Variants in NACC2 observed in about 807,000 individuals in gnomAD.
NACC2 encodes the protein NACC family member 2.
A neutral mutation model predicts 25.1 loss-of-function variants in NACC2; 8 were observed. That is an observed-to-expected ratio of 0.32 (90% CI 0.19 to 0.57). The LOEUF (loss-of-function observed/expected upper bound fraction) is 0.57. Ranked by LOEUF, NACC2 falls within the 20% of genes least tolerant of loss-of-function variation. The pLI is 0.89. For missense variants in NACC2, 644 were observed against 650.2 expected (o/e 0.99, Z 0.10); for synonymous variants, 435 against 294.7 (o/e 1.48, Z -4.88).
chr9:136,016,928 G>C (rs1046880799), intron 2 of NACC2, among the ~76,000 whole-genome samples: 3 of 152,146 alleles, frequency 2.0e-5, no homozygotes, highest in African/African-American at 4.8e-5. Context: ...TAGCTGGACA[G>C]GGGTGACAGG....
intron 2 of NACC2, among the ~76,000 whole-genome samples, chr9:136,025,799 C>T (rs776413634): frequency 6.6e-6 from 1 of 151,904 alleles, no homozygotes; most frequent in Non-Finnish European, 1.5e-5. Context: ...CTTGTAGTCC[C>T]GGCTACTCAG....
At chr9:136,035,301 G>C (rs1840534786) in intron 2 of NACC2, among the ~76,000 whole-genome samples, 1 of 152,004 alleles carries the variant, frequency 6.6e-6, no homozygotes. Context: ...CACCAATATT[G>C]AGCCAAAGTG....
rs1020769679 is a variant in NACC2 at position 136,019,464 on chromosome 9, G to A, written c.887-3035C>T. On this transcript the variant is annotated intron_variant, in intron 2 of 5. Coordinates refer to ENST00000277554, the MANE Select transcript of NACC2 (RefSeq NM_144653.5). The surrounding 1 kb of genome is among the most constrained non-coding windows in gnomAD (Gnocchi z 5.2). ...TGTCACCCCAGGACTGGCCGCTGTA[G>A]CAGAACTGCCACCTTCACCCTCGAC... is the stretch of plus-strand genomic sequence containing the variant. 5.9e-5 allele frequency: 9 copies of A among 152,390 alleles called. No homozygotes were observed. Among genetic ancestry groups the A allele is most frequent in the Admixed American group, 5.9e-4 (9 of 15,308 alleles). The allele number at this position is 152,390 out of a possible 1,614,324, so 9.4% of individuals were successfully genotyped here.
chr9:136,057,917 C>T (rs1293216024), intron 1 of NACC2, among the ~76,000 whole-genome samples: 1 of 152,198 alleles, frequency 6.6e-6, no homozygotes, highest in Non-Finnish European at 1.5e-5. Context: ...TGCTGGTCAC[C>T]CAGCCCATTA....
In NACC2 at chr9:136,050,108, G is replaced by T; in HGVS notation, c.414C>A (p.Ala138=). Residue 138 remains alanine, a synonymous_variant, in exon 2 of 6, where the codon GCC becomes GCA. Transcript: ENST00000277554. ...TGCAGGGGCTCTGGGGCTCGGAGCC[G>T]GCGTCCTCGATCACAGCGGTCTGCG... ...CDSQTAVIED[A]GSEPQSPCNQ... 1.3e-6 allele frequency: 1 copy of T among 754,124 alleles called. No homozygotes were observed. 46.7% of individuals were successfully genotyped at this position (754,124 alleles called of 1,614,324 possible).
intron 1 of NACC2, among the ~76,000 whole-genome samples, chr9:136,051,887 G>A (rs1486193191): frequency 8.6e-6 from 1 of 116,528 alleles, no homozygotes; most frequent in Non-Finnish European, 1.7e-5. Flanking sequence ...AGGAGGAGGA[G>A]GAGGAGGAGG....
chr9:136,030,765 G>A (rs962274980), intron 2 of NACC2, among the ~76,000 whole-genome samples: 4 of 151,946 alleles, frequency 2.6e-5, no homozygotes, highest in Non-Finnish European at 5.9e-5. Context: ...AGGTTCAAGC[G>A]ATCCTCCCAT....
intron 2 of NACC2, among the ~76,000 whole-genome samples, chr9:136,048,327 G>T (rs1438362196): frequency 6.6e-6 from 1 of 152,190 alleles, no homozygotes; most frequent in East Asian, 1.9e-4. Context: ...TTCCCCGGAG[G>T]CCTCAGCCAG....
intron 1 of NACC2, among the ~76,000 whole-genome samples, chr9:136,091,843 C>CCAA (rs1830436713): frequency 3.4e-5 from 5 of 148,890 alleles, no homozygotes; most frequent in Admixed American, 1.4e-4. Flanking sequence ...AAAAAAAAAA[C>CCAA]CAACAACAAC....
At chr9:136,092,243 AGGCCCAG>A (rs1830440848) in intron 1 of NACC2, among the ~76,000 whole-genome samples, 2 of 152,132 alleles carry the variant, frequency 1.3e-5, no homozygotes, top group South Asian at 2.1e-4. Flanking sequence ...ACTTCGGGGA[AGGCCCAG>A]GACCCAGGGA....
In NACC2 at chr9:136,050,063, G is replaced by T; in HGVS notation, c.459C>A (p.Ala153=). ...QSPCNQLQPA[A]AAAAPYVVSP... ...ACACGACGTAGGGGGCCGCGGCGGCGGCGGCCGGCTGCAGCTGGTTGCAGG... is the reference window on the plus strand; with the variant it reads ...ACACGACGTAGGGGGCCGCGGCGGCTGCGGCCGGCTGCAGCTGGTTGCAGG... Residue 153 remains alanine (A), a synonymous_variant, in exon 2 of 6, where the codon GCC becomes GCA. Coordinates refer to ENST00000277554, the MANE Select transcript of NACC2 (RefSeq NM_144653.5). 1 of 728,218 alleles carries T rather than the reference G, an allele frequency of 1.4e-6. No individual in the cohort carries two copies. The highest frequency in any genetic ancestry group is 2.5e-6 in the Non-Finnish European group (1 of 398,350). The allele number at this position is 728,218 out of a possible 1,614,324, so 45.1% of individuals were successfully genotyped here. A position where few individuals can be genotyped will look rare whatever the true frequency, so the allele number is the denominator to read the frequency against.
At chr9:136,093,633 C>T (rs1830455588) in intron 1 of NACC2, among the ~76,000 whole-genome samples, 1 of 152,246 alleles carries the variant, frequency 6.6e-6, no homozygotes, top group Admixed American at 6.5e-5. Flanking sequence ...CAGGGGGCCA[C>T]CACCTTGGGT....
intron 2 of NACC2, among the ~76,000 whole-genome samples, chr9:136,029,536 AC>A (rs1449618975): frequency 6.6e-6 from 1 of 152,206 alleles, no homozygotes; most frequent in Admixed American, 6.5e-5. Flanking sequence ...CCCCTTGCCC[AC>A]CACGTTGTGG....
At chr9:136,093,312 C>G (rs1031583336) in intron 1 of NACC2, among the ~76,000 whole-genome samples, 4 of 152,196 alleles carry the variant, frequency 2.6e-5, no homozygotes, top group African/African-American at 9.7e-5. Flanking sequence ...AATTGGAAAA[C>G]AAAGGGAGGA....
chr9:136,015,023 C>G (rs565557123), intron 3 of NACC2, among the ~76,000 whole-genome samples: 1 of 152,250 alleles, frequency 6.6e-6, no homozygotes, highest in African/African-American at 2.4e-5. Flanking sequence ...CTTCCAGGAG[C>G]CTGTGAGTGC....
At chr9:136,083,174 C>T (rs902701084) in intron 1 of NACC2, among the ~76,000 whole-genome samples, 10 of 152,252 alleles carry the variant, frequency 6.6e-5, no homozygotes, top group African/African-American at 2.4e-4. Context: ...ACATCACACG[C>T]TCCCAACAGA....
intron 1 of NACC2, among the ~76,000 whole-genome samples, chr9:136,083,643 G>A (rs1055535631): frequency 2.6e-5 from 4 of 152,158 alleles, no homozygotes; most frequent in African/African-American, 9.7e-5. Context: ...CATGAGCCCA[G>A]GGCACCACAG....
chr9:136,011,859 G>A lies in NACC2; in HGVS notation c.1421C>T (p.Ala474Val), dbSNP rs778858211. ...CTCGGGGTCGAGGGGCACGCTGGCG[G>A]CGGCGGAGCCCATGACCGTGCGGTA... The part of the protein sequence containing the change: ...EMYRTVMGSA[A>V]ASVPLDPEFP... Residue 474 changes from alanine (A) to valine (V), a missense_variant, in exon 6 of 6, where the codon GCC becomes GTC. Physicochemically the swap from Ala to Val is moderately conservative, Grantham distance 64. Coordinates refer to ENST00000277554, the MANE Select transcript of NACC2 (RefSeq NM_144653.5). 1 of 1,563,308 alleles carries A rather than the reference G, an allele frequency of 6.4e-7. No homozygotes were observed. The highest frequency in any genetic ancestry group is 1.2e-5 in the South Asian group (1 of 86,140).
Position 136,024,141 on chromosome 9 carries a change from G to C in NACC2, c.887-7712C>G, listed in dbSNP as rs954299664. On this transcript the variant is annotated intron_variant, in intron 2 of 5. Coordinates refer to ENST00000277554, the MANE Select transcript of NACC2 (RefSeq NM_144653.5). ...CAGAGGGTGCGTGTGAGGACAGTGTGTGTGTGGGGACAGAGTGTGTGTGTG... is the reference window on the plus strand; with the variant it reads ...CAGAGGGTGCGTGTGAGGACAGTGTCTGTGTGGGGACAGAGTGTGTGTGTG... Among the ~76,000 whole-genome samples the C allele has an allele frequency of 2.3e-4, 34 of 145,656 alleles. 2 individuals carry two copies. The highest frequency in any genetic ancestry group is 1.4e-3 in the East Asian group (7 of 4,928).
Sources: gnomAD v4.1 joint callset for allele counts (sites outside exome capture counted in the v4.1 genomes callset) on GRCh38, gnomAD v4.1.1 for gene constraint, Gnocchi (gnomAD v3.1) non-coding constraint, MANE v1.5 for transcripts, NCBI Gene and HGNC (gene_info 2026-07-23, HGNC 2026-07-21) for gene names.